CUL4A: variants seen among roughly 807,000 people sequenced by gnomAD.
CUL4A encodes the protein cullin 4A.
CUL4A carries 16 observed loss-of-function variants against 95.5 expected under a neutral mutation model. The ratio of observed to expected loss-of-function variants is 0.17; its 90% CI spans 0.11 to 0.25. The LOEUF is 0.25. CUL4A is among the 10% of genes least tolerant of loss of function. The pLI is 1.00. For missense variants in CUL4A, 610 were observed against 937.0 expected (o/e 0.65, Z 4.56); for synonymous variants, 380 against 353.1 (o/e 1.08, Z -0.85).
In CUL4A at chr13:113,264,917, T is replaced by C. The variant is rs889844739; in HGVS notation, c.*1335T>C. ...ATTTTCATTTATGAGTTCCATGATA[T>C]GTGGTCTAAGAAAGACCAAACAGAT... On this transcript the variant is annotated 3_prime_UTR_variant, in exon 20 of 20. Coordinates refer to ENST00000375440, the MANE Select transcript of CUL4A (RefSeq NM_001008895.4). 1.4e-5 allele frequency: 2 copies of C among 147,546 alleles called. No homozygotes were observed. Among genetic ancestry groups the C allele is most frequent in the Non-Finnish European group, 3.0e-5 (2 of 67,326 alleles). The allele number at this position is 147,546 out of a possible 1,614,324, so 9.1% of individuals were successfully genotyped here. A position where few individuals can be genotyped will look rare whatever the true frequency, so the allele number is the denominator to read the frequency against.
At chr13:113,244,300 A>G (rs1454981372) in intron 11 of CUL4A, 110 bp from the exon 12 acceptor site, 5 of 747,594 alleles carry the variant, frequency 6.7e-6, no homozygotes, top group East Asian at 5.5e-5. Context: ...TTTTTGTCAT[A>G]TAGTCATTTT....
chr13:113,250,202 G>C (rs953636898), intron 15 of CUL4A, among the ~76,000 whole-genome samples: 7 of 152,122 alleles, frequency 4.6e-5, no homozygotes, highest in African/African-American at 1.7e-4. Context: ...CCTCACACCT[G>C]TAATCTCAGA....
At chr13:113,252,716 G>A (rs903996926) in intron 15 of CUL4A, among the ~76,000 whole-genome samples, 3 of 152,196 alleles carry the variant, frequency 2.0e-5, no homozygotes, top group Middle Eastern at 3.2e-3. Flanking sequence ...AACACCAGCC[G>A]AGGCCAGGGC....
chr13:113,222,184 G>A (rs1000721667), intron 3 of CUL4A, among the ~76,000 whole-genome samples: 1 of 152,206 alleles, frequency 6.6e-6, no homozygotes, highest in African/African-American at 2.4e-5. Context: ...GAATTGTGGA[G>A]GAGCCTTTGT....
chr13:113,261,705 G>A (rs2042281272), intron 19 of CUL4A, among the ~76,000 whole-genome samples: 1 of 152,116 alleles, frequency 6.6e-6, no homozygotes, highest in African/African-American at 2.4e-5. Context: ...CGGGTAGAGA[G>A]TGGCAGACCA....
At chr13:113,235,989 A>AG (rs1458154732) in intron 8 of CUL4A, among the ~76,000 whole-genome samples, 35 of 152,124 alleles carry the variant, frequency 2.3e-4, no homozygotes, top group African/African-American at 8.4e-4. Flanking sequence ...AAAAAAAAGA[A>AG]AATGATACAG....
At chr13:113,209,468 G>A (rs1336595459), upstream of CUL4A, 3 of 237,036 alleles carry the variant, frequency 1.3e-5, no homozygotes, top group Non-Finnish European at 2.1e-5. Flanking sequence ...TAAGCCCTCA[G>A]GAGTAGCCGG....
intron 15 of CUL4A, among the ~76,000 whole-genome samples, chr13:113,249,537 C>T (rs774265454): frequency 1.3e-5 from 2 of 152,224 alleles, no homozygotes; most frequent in African/African-American, 2.4e-5. Context: ...CACCTTTTGG[C>T]CGCTGTGAAT....
At chr13:113,229,059 C>T (rs1423433365) in intron 4 of CUL4A, among the ~76,000 whole-genome samples, 2 of 151,994 alleles carry the variant, frequency 1.3e-5, no homozygotes, top group Admixed American at 6.6e-5. Context: ...ACCCAGGAGG[C>T]GGAGCTTGCA....
rs1566343177 is a variant in CUL4A, at chr13:113,232,097, T to TGC, written c.513-1080_513-1079insGC. On this transcript the variant is annotated intron_variant, in intron 5 of 19. Coordinates refer to ENST00000375440, the MANE Select transcript of CUL4A (RefSeq NM_001008895.4). ...CACTACCCGCCCACCACCATTACTG[T>TGC]CACCACTACCCGCCCACCACCATTA... Among the ~76,000 whole-genome samples, 637 of 75,528 alleles carry TGC rather than the reference T, an allele frequency of 8.4e-3. 57 individuals are homozygous for TGC. Among genetic ancestry groups the TGC allele is most frequent in the Middle Eastern group, 0.023 (3 of 132 alleles). 49.5% of individuals were successfully genotyped at this position (75,528 alleles called of 152,430 possible).
intron 16 of CUL4A, 22 bp from the exon 17 acceptor site, chr13:113,254,671 G>T: frequency 6.8e-7 from 1 of 1,466,398 alleles, no homozygotes; most frequent in Non-Finnish European, 9.5e-7. Context: ...CTTCAGAGGT[G>T]TGATGAGGCC....
chr13:113,254,183 A>G (rs932660810), intron 16 of CUL4A, among the ~76,000 whole-genome samples: 2 of 151,976 alleles, frequency 1.3e-5, no homozygotes, highest in African/African-American at 2.4e-5. Flanking sequence ...CTGTCACCCA[A>G]ACTCTCATGT....
At chr13:113,225,550 A>C (rs2041070161) in intron 3 of CUL4A, among the ~76,000 whole-genome samples, 1 of 152,242 alleles carries the variant, frequency 6.6e-6, no homozygotes, top group East Asian at 1.9e-4. Flanking sequence ...CTGTCTTCAC[A>C]ACACCTGAGC....
At chr13:113,225,383 C>T (rs955793683) in intron 3 of CUL4A, among the ~76,000 whole-genome samples, 1 of 152,116 alleles carries the variant, frequency 6.6e-6, no homozygotes, top group African/African-American at 2.4e-5. Context: ...TTTTAGCTTA[C>T]CATTTTGTAG....
At chr13:113,208,849 G>A (rs952373834), upstream of CUL4A, 19 of 1,406,700 alleles carry the variant, frequency 1.4e-5, no homozygotes, top group African/African-American at 2.6e-4. Flanking sequence ...CTCTCAGCCG[G>A]GACGCCAGCG....
chr13:113,224,492 G>A (rs2041028954), intron 3 of CUL4A, among the ~76,000 whole-genome samples: 1 of 152,248 alleles, frequency 6.6e-6, no homozygotes, highest in Non-Finnish European at 1.5e-5. Flanking sequence ...GGCAGTGGTG[G>A]ACACCATGAT....
At chr13:113,230,780 T>TTATTAG (rs146685220) in intron 5 of CUL4A, among the ~76,000 whole-genome samples, 3,230 of 151,924 alleles carry the variant, frequency 0.021, 57 homozygotes, top group Admixed American at 0.048. Flanking sequence ...ATTATTATTA[T>TTATTAG]TATTTTTAGA....
upstream of CUL4A, chr13:113,209,573 C>G (rs2040262950): frequency 1.1e-6 from 1 of 937,768 alleles, no homozygotes; most frequent in Admixed American, 6.4e-5. Context: ...GCGGGCGGAG[C>G]GGAGCTCGGC....
chr13:113,256,564 C>T lies in CUL4A; in HGVS notation c.2031+1439C>T, dbSNP rs186026051. Among the ~76,000 whole-genome samples, 365 of 152,274 alleles carry T rather than the reference C, an allele frequency of 2.4e-3. 9 individuals carry two copies. The highest frequency in any genetic ancestry group is 0.02 in the Admixed American group (313 of 15,298). On this transcript the variant is annotated intron_variant, in intron 18 of 19. Transcript: ENST00000375440. ...CCTTCGCTCACCCTGTTCTGAGCAG[C>T]CCAAAGATAGTTTGTTGCAGTTTTC...
Sources: gnomAD v4.1 joint callset for allele counts (sites outside exome capture counted in the v4.1 genomes callset) on GRCh38, gnomAD v4.1.1 for gene constraint, MANE v1.5 for transcripts, NCBI Gene and HGNC (gene_info 2026-07-23, HGNC 2026-07-21) for gene names.